Variants in JMJD1C observed in about 807,000 individuals in gnomAD.
JMJD1C encodes jumonji domain containing 1C, also known as jumonji domain-containing protein 1C.
A neutral mutation model predicts 245.3 loss-of-function variants in JMJD1C; 31 were observed. The ratio of observed to expected loss-of-function variants is 0.13; its 90% CI spans 0.09 to 0.17. The LOEUF (loss-of-function observed/expected upper bound fraction) is 0.17. Among genes scored for constraint, JMJD1C ranks in the 10% least tolerant of loss-of-function variants. JMJD1C has a pLI of 1.00. For missense variants in JMJD1C, 2,691 were observed against 3,000.2 expected (o/e 0.90, Z 2.41); for synonymous variants, 1,057 against 1,017.4 (o/e 1.04, Z -0.74).
chr10:63,275,598 G>A (rs940052839), intron 2 of JMJD1C, among the ~76,000 whole-genome samples: 3 of 151,956 alleles, frequency 2.0e-5, no homozygotes, highest in African/African-American at 7.3e-5. Flanking sequence ...TTTTATTTCT[G>A]TCAAGAAAAA....
rs1019486939 is a variant in JMJD1C at position 63,337,696 on chromosome 10, G to A, written c.333+42622C>T. Among the ~76,000 whole-genome samples the A allele has an allele frequency of 5.9e-5, 9 of 151,776 alleles. No homozygotes were observed. The South Asian group carries it at 6.2e-4, about 11-fold the overall frequency. ...TAACAGTGGCAGTCCTGTTCCTTGG[G>A]GAAGCCTCATATAGATTACAGATTC... is the stretch of plus-strand genomic sequence containing the variant. On this transcript the variant is annotated intron_variant, in intron 2 of 25. Transcript: ENST00000399262.
At position 63,193,145 on chromosome 10, in the gene JMJD1C, G is replaced by C. The variant is rs773912495; in HGVS notation, c.5869C>G (p.Gln1957Glu). The C allele has an allele frequency of 6.2e-7, 1 of 1,610,170 alleles. No homozygotes were observed. Among genetic ancestry groups the C allele is most frequent in the Admixed American group, 1.7e-5 (1 of 59,982 alleles). The change falls in exon 16 of 26, where the codon CAG becomes GAG. Residue 1957 changes from glutamine to glutamate, a missense_variant. By Grantham distance (29) the Gln-to-Glu change is conservative. This residue lies in a region of JMJD1C where 275 missense variants were observed against 285.5 expected (regional missense o/e 0.96). Coordinates refer to ENST00000399262, the MANE Select transcript of JMJD1C (RefSeq NM_032776.3). ...TTATTACTGTGATTAAGAACATTCTGTAAAACCTACAAAGGTAGAACAATT... is the reference window on the plus strand; with the variant it reads ...TTATTACTGTGATTAAGAACATTCTCTAAAACCTACAAAGGTAGAACAATT... ...PTMNGVSQVL[Q>E]NVLNHSNKIS...
Position 63,316,825 on chromosome 10 carries a change from AGAGT to A in JMJD1C, c.334-52065_334-52062del, listed in dbSNP as rs374264283. On this transcript the variant is annotated intron_variant, in intron 2 of 25. Coordinates refer to ENST00000399262, the MANE Select transcript of JMJD1C (RefSeq NM_032776.3). The stretch of plus-strand genomic sequence containing the variant: ...TTGTATTGATCAAGTTAAGGTATTT[AGAGT>A]ATCCACCACCTTGAGTATTTATCTT... Among the ~76,000 whole-genome samples the A allele has an allele frequency of 3.3e-3, 502 of 152,212 alleles. 3 individuals carry two copies. The highest frequency in any genetic ancestry group is 0.011 in the African/African-American group (461 of 41,546).
intron 1 of JMJD1C, 75 bp downstream of exon 1, chr10:63,465,420 G>T: frequency 7.1e-7 from 1 of 1,405,360 alleles, no homozygotes; most frequent in Non-Finnish European, 9.5e-7. Context: ...GGCGCCAGAG[G>T]GAAGCCTGCA....
chr10:63,232,133 C>T (rs1850099993), intron 3 of JMJD1C, among the ~76,000 whole-genome samples: 1 of 152,102 alleles, frequency 6.6e-6, no homozygotes, highest in South Asian at 2.1e-4. Flanking sequence ...CCACAGCACC[C>T]GGTCTCCTTT....
intron 3 of JMJD1C, chr10:63,222,660 T>C (rs1848741996): frequency 2.6e-6 from 4 of 1,537,720 alleles, no homozygotes; most frequent in Middle Eastern, 2.3e-4. Context: ...GATCGGTGTG[T>C]AGAGGGAGTG....
At chr10:63,424,518 T>TTTTTTTTTTTG (rs1554931988) in intron 1 of JMJD1C, among the ~76,000 whole-genome samples, 1 of 147,318 alleles carries the variant, frequency 6.8e-6, no homozygotes, top group Admixed American at 6.7e-5. Context: ...TTTTTTTTTT[T>TTTTTTTTTTTG]CTTTTTGAGA....
At chr10:63,222,043 G>A in intron 3 of JMJD1C, 1 of 427,828 alleles carries the variant, frequency 2.3e-6, no homozygotes, top group South Asian at 2.1e-5. Flanking sequence ...ATTTTACAAG[G>A]AAAACCATTA....
intron 15 of JMJD1C, 62 bp from the exon 16 acceptor site, chr10:63,193,213 G>T: frequency 6.7e-7 from 1 of 1,500,342 alleles, no homozygotes. Context: ...TAGTAGTATA[G>T]ATACAAAAAA....
chr10:63,229,198 T>C (rs1268728025), intron 3 of JMJD1C, among the ~76,000 whole-genome samples: 1 of 152,148 alleles, frequency 6.6e-6, no homozygotes, highest in African/African-American at 2.4e-5. Flanking sequence ...TTAAAAGATT[T>C]CACATAATTA....
chr10:63,386,353 C>CT (rs973036127), intron 1 of JMJD1C, among the ~76,000 whole-genome samples: 2 of 152,190 alleles, frequency 1.3e-5, no homozygotes, highest in African/African-American at 4.8e-5. Context: ...AGCAACCCAC[C>CT]TTCCCCAGTA....
At chr10:63,379,259 C>A (rs1231824319) in intron 2 of JMJD1C, among the ~76,000 whole-genome samples, 3 of 152,022 alleles carry the variant, frequency 2.0e-5, no homozygotes, top group African/African-American at 7.2e-5. Context: ...ATATCAAATA[C>A]CTGCAATAAT....
intron 1 of JMJD1C, chr10:63,382,810 T>C (rs994234440): frequency 1.8e-5 from 8 of 455,958 alleles, no homozygotes; most frequent in Admixed American, 1.6e-4. Flanking sequence ...ACCTGAAGAG[T>C]TTCCATTTCC....
At chr10:63,273,270 C>T (rs1856499335) in intron 2 of JMJD1C, among the ~76,000 whole-genome samples, 1 of 152,206 alleles carries the variant, frequency 6.6e-6, no homozygotes, top group Non-Finnish European at 1.5e-5. Flanking sequence ...CAGCTCACTG[C>T]AGCCTCAAAC....
At position 63,208,096 on chromosome 10, in the gene JMJD1C, A is replaced by C. The variant is rs2133157673; in HGVS notation, c.3573T>G (p.Val1191=). The C allele has an allele frequency of 6.2e-7, 1 of 1,614,126 alleles. No individual in the cohort carries two copies. The highest frequency in any genetic ancestry group is 1.6e-4 in the Middle Eastern group (1 of 6,062). The change falls in exon 10 of 26, where the codon GTT becomes GTG. Residue 1191 remains valine (V), a synonymous_variant. Coordinates refer to ENST00000399262, the MANE Select transcript of JMJD1C (RefSeq NM_032776.3). The part of the protein sequence containing the change: ...NDCRSPTHLT[V]SSTNTLRSMP... ...TACTGCGGAGTGTATTTGTAGAAGA[A>C]ACTGTCAAATGGGTAGGACTCCTAC...
chr10:63,211,464 CAAA>C (rs71025124), intron 8 of JMJD1C, among the ~76,000 whole-genome samples: 21 of 103,404 alleles, frequency 2.0e-4, no homozygotes, highest in Non-Finnish European at 2.2e-4. Context: ...GACTCCATCT[CAAA>C]AAAAAAAAAA....
chr10:63,209,542 TTA>T (rs1847074576), intron 8 of JMJD1C, among the ~76,000 whole-genome samples: 1 of 152,152 alleles, frequency 6.6e-6, no homozygotes, highest in South Asian at 2.1e-4. Flanking sequence ...AGAACCTAGT[TTA>T]TATGATTTCC....
At chr10:63,311,431 T>C (rs1939186185) in intron 2 of JMJD1C, among the ~76,000 whole-genome samples, 1 of 151,992 alleles carries the variant, frequency 6.6e-6, no homozygotes. Flanking sequence ...TTCCAAAATA[T>C]ACTCTGTACT....
intron 2 of JMJD1C, among the ~76,000 whole-genome samples, chr10:63,363,401 G>A (rs889609784): frequency 3.3e-5 from 5 of 151,930 alleles, no homozygotes; most frequent in African/African-American, 4.8e-5. Context: ...TGGGATTAGA[G>A]ATGCATGCCG....
Sources: allele counts gnomAD v4.1 joint callset (sites outside exome capture counted in the v4.1 genomes callset), GRCh38; gene constraint gnomAD v4.1.1; regional missense constraint gnomAD v4.1.1; transcripts MANE v1.5; gene names NCBI Gene and HGNC (gene_info 2026-07-23, HGNC 2026-07-21).